Variants in CDH18 observed in about 807,000 individuals in gnomAD.
The protein encoded by CDH18 is cadherin-18.
In CDH18, 31 loss-of-function variants were observed where a neutral mutation model predicts 67.9. That is an observed-to-expected ratio of 0.46 (90% CI 0.34 to 0.62). CDH18 has a LOEUF of 0.62. Among genes scored for constraint, CDH18 ranks in the 20% least tolerant of loss-of-function variants. The probability of loss-of-function intolerance (pLI) is 0.01; values close to 1 mark genes in which losing one functional copy is unlikely to be tolerated. For missense variants in CDH18, 890 were observed against 975.5 expected, an observed-to-expected ratio of 0.91 and a Z score of 1.17; for synonymous variants, 362 against 347.2, an observed-to-expected ratio of 1.04 and a Z score of -0.48.
At chr5:20,306,879 T>TTTAC (rs10626844) in intron 1 of CDH18, among the ~76,000 whole-genome samples, 123,177 of 151,798 alleles carry the variant, frequency 0.81, 50,266 homozygotes, top group African/African-American at 0.9. Context: ...CATGTGATAA[T>TTTAC]TTATTATGGT....
chr5:19,497,134 CA>C (rs376699414), intron 11 of CDH18, among the ~76,000 whole-genome samples: 1,448 of 144,668 alleles, frequency 0.01, 11 homozygotes, highest in South Asian at 0.031. Flanking sequence ...CCCACCAGGA[CA>C]AAAAAAAAGG....
chr5:20,303,923 T>C (rs1327561469), intron 1 of CDH18: 3 of 644,192 alleles, frequency 4.7e-6, no homozygotes, highest in South Asian at 1.9e-5. Context: ...TTAATCTTCC[T>C]CTCAAAAGTT....
chr5:19,974,066 C>T (rs1246441662), intron 2 of CDH18, among the ~76,000 whole-genome samples: 3 of 152,016 alleles, frequency 2.0e-5, no homozygotes, highest in African/African-American at 7.2e-5. Context: ...AGCAAAGATA[C>T]ACATAGTGAA....
rs1316316554 is a variant in CDH18, at chr5:19,667,849, T to G, written c.643+53498A>C. ...AAGTATCACCAGGTATCATCTGATA[T>G]ACCAAATGGCATCAAACAAATGCCA... On this transcript the variant is annotated intron_variant, in intron 5 of 12. Transcript: ENST00000382275. 3.3e-5 allele frequency among the ~76,000 whole-genome samples: 5 copies of G among 152,052 alleles called. No individual in the cohort carries two copies. In the East Asian group the frequency reaches 9.7e-4, roughly 29 times the overall value.
At chr5:20,425,159 A>C (rs936296516) in intron 1 of CDH18, among the ~76,000 whole-genome samples, 2 of 150,988 alleles carry the variant, frequency 1.3e-5, no homozygotes, top group Non-Finnish European at 2.9e-5. Flanking sequence ...CGAGGTCAGA[A>C]GTTTGAGTCC....
chr5:19,750,151 T>TA (rs1770646677), intron 3 of CDH18, among the ~76,000 whole-genome samples: 1 of 152,102 alleles, frequency 6.6e-6, no homozygotes, highest in South Asian at 2.1e-4. Context: ...GAAACCATTG[T>TA]AGTAGTTATT....
At chr5:19,837,952 C>T (rs780107440) in intron 3 of CDH18, among the ~76,000 whole-genome samples, 15 of 152,118 alleles carry the variant, frequency 9.9e-5, no homozygotes, top group Non-Finnish European at 1.6e-4. Flanking sequence ...ATTCCCACTT[C>T]GTTCTCAATC....
intron 2 of CDH18, among the ~76,000 whole-genome samples, chr5:19,976,854 T>C (rs566845213): frequency 2.0e-5 from 3 of 152,190 alleles, no homozygotes; most frequent in East Asian, 1.9e-4. Flanking sequence ...ACGCATCAGA[T>C]TGACATATTG....
intron 2 of CDH18, among the ~76,000 whole-genome samples, chr5:20,129,298 G>A (rs570622608): frequency 5.3e-5 from 8 of 151,878 alleles, no homozygotes; most frequent in Non-Finnish European, 1.2e-4. Context: ...GTTATTTCCA[G>A]TTTGTTTCTG....
chr5:20,256,577 T>C (rs1744249068), intron 1 of CDH18, among the ~76,000 whole-genome samples: 1 of 152,056 alleles, frequency 6.6e-6, no homozygotes, highest in African/African-American at 2.4e-5. Context: ...CATGGTACTT[T>C]TATTTTGGGA....
chr5:19,534,298 A>T (rs898578192), intron 9 of CDH18, among the ~76,000 whole-genome samples: 1 of 122,592 alleles, frequency 8.2e-6, no homozygotes, highest in African/African-American at 2.6e-5. Context: ...TTAATACATT[A>T]AAAAAAAACT....
At chr5:19,899,462 T>C (rs1789699264) in intron 2 of CDH18, among the ~76,000 whole-genome samples, 1 of 152,128 alleles carries the variant, frequency 6.6e-6, no homozygotes, top group Non-Finnish European at 1.5e-5. Flanking sequence ...AAATAGGTGT[T>C]GGCAAATATG....
At position 19,743,344 on chromosome 5, in the gene CDH18, GC is replaced by G. The variant is rs541775926; in HGVS notation, c.523+3597del. 1.0e-3 allele frequency among the ~76,000 whole-genome samples: 152 copies of G among 152,202 alleles called. 1 individual carries two copies. Among genetic ancestry groups the G allele is most frequent in the African/African-American group, 3.0e-3 (125 of 41,524 alleles). On this transcript the variant is annotated intron_variant, in intron 4 of 12. Coordinates refer to ENST00000382275, the MANE Select transcript of CDH18 (RefSeq NM_004934.5). Reference sequence around the variant, plus strand: ...TGACACCATCCTCTAATTGTTCCTTGCCTCTGATCTCCCTATAATAGCTTAC... The same window carrying G: ...TGACACCATCCTCTAATTGTTCCTTGCTCTGATCTCCCTATAATAGCTTAC...
At chr5:20,246,012 G>C (rs1489303891) in intron 2 of CDH18, among the ~76,000 whole-genome samples, 1 of 152,074 alleles carries the variant, frequency 6.6e-6, no homozygotes, top group African/African-American at 2.4e-5. Context: ...GCTAGCTGAA[G>C]AAAGACTACC....
At chr5:19,792,337 G>T (rs551221363) in intron 3 of CDH18, among the ~76,000 whole-genome samples, 1 of 152,186 alleles carries the variant, frequency 6.6e-6, no homozygotes, top group African/African-American at 2.4e-5. Flanking sequence ...GAGCCTTCAG[G>T]CTTCGTAACT....
At chr5:19,744,677 T>C (rs75408711) in intron 4 of CDH18, among the ~76,000 whole-genome samples, 2,287 of 152,290 alleles carry the variant, frequency 0.015, 53 homozygotes, top group African/African-American at 0.053. Context: ...AATATTTATT[T>C]TGCCCTAGCT....
chr5:20,098,413 A>C (rs1055185534), intron 2 of CDH18, among the ~76,000 whole-genome samples: 1 of 152,182 alleles, frequency 6.6e-6, no homozygotes, highest in African/African-American at 2.4e-5. Context: ...CCCACTCATG[A>C]TGTATATTAG....
intron 1 of CDH18, among the ~76,000 whole-genome samples, chr5:20,454,329 A>C (rs1750684630): frequency 2.6e-5 from 4 of 151,410 alleles, no homozygotes; most frequent in Non-Finnish European, 5.9e-5. Context: ...TTCAATTCAC[A>C]TAACTTTCAT....
At chr5:20,388,258 C>A (rs1386164850) in intron 1 of CDH18, among the ~76,000 whole-genome samples, 1 of 152,114 alleles carries the variant, frequency 6.6e-6, no homozygotes, top group Non-Finnish European at 1.5e-5. Context: ...TGTTATTGGT[C>A]TATTCAGAGA....
Sources: gnomAD v4.1 joint callset for allele counts (sites outside exome capture counted in the v4.1 genomes callset) on GRCh38, gnomAD v4.1.1 for gene constraint, MANE v1.5 for transcripts, NCBI Gene and HGNC (gene_info 2026-07-23, HGNC 2026-07-21) for gene names.